ATF6: variants seen among roughly 807,000 people sequenced by gnomAD.
ATF6 encodes the protein cyclic AMP-dependent transcription factor ATF-6 alpha.
Under a neutral mutation model 83.6 loss-of-function variants are expected in ATF6, and 53 were observed. That is an observed-to-expected ratio of 0.63 (90% confidence interval 0.51 to 0.80). The LOEUF (loss-of-function observed/expected upper bound fraction) is 0.80, where lower values mean the gene tolerates loss of function less well. ATF6 is among the 30% of genes least tolerant of loss of function. The pLI is 0.00. For missense variants in ATF6, 744 were observed against 797.9 expected, an observed-to-expected ratio of 0.93 and a Z score of 0.81; for synonymous variants, 288 against 285.8, an observed-to-expected ratio of 1.01 and a Z score of -0.08.
At chr1:161,927,572 C>G (rs572307717) in intron 15 of ATF6, among the ~76,000 whole-genome samples, 1 of 152,306 alleles carries the variant, frequency 6.6e-6, no homozygotes, top group South Asian at 2.1e-4. Flanking sequence ...GAAGACATTT[C>G]TGTCTTCTCT....
chr1:161,795,817 TG>T (rs1457296350), intron 6 of ATF6, among the ~76,000 whole-genome samples: 1 of 152,224 alleles, frequency 6.6e-6, no homozygotes, highest in Non-Finnish European at 1.5e-5. Flanking sequence ...GTTTGTGGCC[TG>T]GTCAGCATTT....
chr1:161,889,735 A>G (rs1403451677), intron 14 of ATF6, among the ~76,000 whole-genome samples: 3 of 152,216 alleles, frequency 2.0e-5, no homozygotes, highest in Non-Finnish European at 2.9e-5. Context: ...TCAAATGTCA[A>G]TAATTTTAGT....
chr1:161,792,131 A>G lies in ATF6; in HGVS notation c.492A>G (p.Gly164=). 1.2e-6 allele frequency: 2 copies of G among 1,613,714 alleles called. No individual in the cohort carries two copies. The highest frequency in any genetic ancestry group is 1.7e-6 in the Non-Finnish European group (2 of 1,179,992). ...VTGPRNKTEN[G]LTPKKKIQVN... ...TGTCTGGTTTTTCTCCAGAAAATGG[A>G]CTGACTCCAAAGAAAAAAATTCAGG... The change falls in exon 6 of 16, where the codon GGA becomes GGG. Residue 164 remains glycine, a synonymous_variant. Transcript: ENST00000367942.
At chr1:161,859,279 C>A (rs1571195786) in intron 12 of ATF6, among the ~76,000 whole-genome samples, 1 of 152,306 alleles carries the variant, frequency 6.6e-6, no homozygotes, top group South Asian at 2.1e-4. Context: ...ATCCACCAAA[C>A]AAAATTGTTT....
chr1:161,803,181 T>G (rs1183154016), intron 7 of ATF6, among the ~76,000 whole-genome samples: 1 of 152,240 alleles, frequency 6.6e-6, no homozygotes, highest in Non-Finnish European at 1.5e-5. Context: ...CAGACTACTG[T>G]CTGATCTGTC....
At chr1:161,830,989 A>G (rs1360110316) in intron 9 of ATF6, among the ~76,000 whole-genome samples, 3 of 152,228 alleles carry the variant, frequency 2.0e-5, no homozygotes, top group Non-Finnish European at 2.9e-5. Context: ...AGCAAAAGAA[A>G]CTACCGTCAG....
At chr1:161,954,930 A>G (rs1287969472) in intron 15 of ATF6, among the ~76,000 whole-genome samples, 7 of 152,212 alleles carry the variant, frequency 4.6e-5, no homozygotes, top group African/African-American at 1.7e-4. Flanking sequence ...GTGCTGATGG[A>G]AGAGTGAACC....
rs922463624 is a variant in ATF6, at chr1:161,819,920, A to G, written c.1095+102A>G. 1.3e-5 allele frequency: 15 copies of G among 1,131,076 alleles called. No individual in the cohort carries two copies. In the African/African-American group the frequency reaches 1.6e-4, roughly 12 times the overall value. The allele number at this position is 1,131,076 out of a possible 1,614,324, so 70.1% of individuals were successfully genotyped here. A position where few individuals can be genotyped will look rare whatever the true frequency, so the allele number is the denominator to read the frequency against. On this transcript the variant is annotated intron_variant, in intron 8 of 15. Coordinates refer to ENST00000367942, the MANE Select transcript of ATF6 (RefSeq NM_007348.4). ...TTTAAATTAAATTATGTAAAATAAT[A>G]GTGCTAGGAAAAGGAGGGTATAATA...
In ATF6 at chr1:161,890,924, G is replaced by C. The variant is rs79004534; in HGVS notation, c.1720-21372G>C. ...GCGGGTCGTGTCCACCCCAAAGCTC[G>C]ACGCCTCTAGAAGCCATGGCTTTTC... On this transcript the variant is annotated intron_variant, in intron 14 of 15. Coordinates refer to ENST00000367942, the MANE Select transcript of ATF6 (RefSeq NM_007348.4). The C allele has an allele frequency of 1.6e-3, 245 of 152,382 alleles. 1 individual carries two copies. The highest frequency in any genetic ancestry group is 5.7e-3 in the African/African-American group (238 of 41,578). 9.4% of individuals were successfully genotyped at this position (152,382 alleles called of 1,614,324 possible).
intron 7 of ATF6, among the ~76,000 whole-genome samples, chr1:161,805,810 C>CAA (rs35124741): frequency 6.9e-6 from 1 of 144,218 alleles, no homozygotes; most frequent in Non-Finnish European, 1.5e-5. Context: ...TGTAATCCAC[C>CAA]AAAAAAAAAA....
At chr1:161,915,891 A>G (rs565000884) in intron 15 of ATF6, among the ~76,000 whole-genome samples, 4 of 152,156 alleles carry the variant, frequency 2.6e-5, no homozygotes, top group South Asian at 2.1e-4. Context: ...CCAAAGTGCT[A>G]GGATTACAGA....
At chr1:161,821,766 T>C (rs1685768423) in intron 9 of ATF6, among the ~76,000 whole-genome samples, 1 of 152,170 alleles carries the variant, frequency 6.6e-6, no homozygotes, top group African/African-American at 2.4e-5. Flanking sequence ...GCTTTGCATA[T>C]TAGGAAGAGG....
intron 15 of ATF6, among the ~76,000 whole-genome samples, chr1:161,942,538 G>A (rs879735682): frequency 5.3e-5 from 8 of 152,168 alleles, no homozygotes; most frequent in Non-Finnish European, 7.4e-5. Flanking sequence ...AAAGCCTGAT[G>A]TCTCTCCACT....
At chr1:161,957,819 A>G (rs1278314439) in intron 15 of ATF6, among the ~76,000 whole-genome samples, 2 of 152,230 alleles carry the variant, frequency 1.3e-5, no homozygotes, top group Admixed American at 1.3e-4. Context: ...TCAATATGGA[A>G]GGGAAGTGAT....
intron 14 of ATF6, chr1:161,892,219 G>A (rs986351044): frequency 1.3e-5 from 2 of 152,156 alleles, no homozygotes; most frequent in African/African-American, 4.8e-5. Flanking sequence ...GCTTATCTGA[G>A]CTTTAATTTT....
chr1:161,786,279 C>G (rs551492670), intron 4 of ATF6, among the ~76,000 whole-genome samples: 20 of 152,260 alleles, frequency 1.3e-4, no homozygotes, highest in African/African-American at 4.3e-4. Flanking sequence ...AGACACTGCG[C>G]CCGGCCGTTC....
rs753865001 is a variant in ATF6 at position 161,766,355 on chromosome 1, T to C, written c.-6T>C. 1 of 1,613,116 alleles carries C rather than the reference T, an allele frequency of 6.2e-7. No individual in the cohort carries two copies. The highest frequency in any genetic ancestry group is 8.5e-7 in the Non-Finnish European group (1 of 1,179,494). On this transcript the variant is annotated 5_prime_UTR_variant, in exon 1 of 16. Transcript: ENST00000367942. Reference sequence around the variant, plus strand: ...CACGGAGTTCCAGGGAGAAGGAACTTGTGAAATGGGGGAGCCGGCTGGGGT... The same window carrying C: ...CACGGAGTTCCAGGGAGAAGGAACTCGTGAAATGGGGGAGCCGGCTGGGGT...
intron 15 of ATF6, among the ~76,000 whole-genome samples, chr1:161,922,792 G>C (rs573323643): frequency 3.3e-5 from 5 of 152,168 alleles, no homozygotes; most frequent in African/African-American, 9.6e-5. Context: ...GGACCCAGTA[G>C]GGAGAGGAAG....
intron 15 of ATF6, among the ~76,000 whole-genome samples, chr1:161,913,917 G>A (rs929555670): frequency 1.5e-4 from 23 of 152,172 alleles, no homozygotes; most frequent in Non-Finnish European, 2.8e-4. Context: ...GTCTTATTTT[G>A]TAACAGTGAG....
Sources: gnomAD v4.1 joint callset for allele counts (sites outside exome capture counted in the v4.1 genomes callset) on GRCh38, gnomAD v4.1.1 for gene constraint, MANE v1.5 for transcripts, NCBI Gene and HGNC (gene_info 2026-07-23, HGNC 2026-07-21) for gene names.